Variants in BCAR3 observed in about 807,000 individuals in gnomAD.
BCAR3 encodes the protein breast cancer anti-estrogen resistance protein 3.
In BCAR3, 37 loss-of-function variants were observed where a neutral mutation model predicts 80.1. The ratio of observed to expected loss-of-function variants is 0.46; its 90% CI spans 0.36 to 0.61. BCAR3 has a LOEUF of 0.61. BCAR3 is among the 20% of genes least tolerant of loss of function. The pLI is 0.00. For missense variants in BCAR3, 978 were observed against 1,068.2 expected (o/e 0.92, Z 1.18); for synonymous variants, 389 against 418.9 (o/e 0.93, Z 0.87).
intron 2 of BCAR3, among the ~76,000 whole-genome samples, chr1:93,768,263 GTGTGTT>G (rs554031603): frequency 0.021 from 2,478 of 117,648 alleles, 48 homozygotes; most frequent in African/African-American, 0.089. Context: ...GTGAATGTGT[GTGTGTT>G]TGTGTGTGTG....
At chr1:93,625,595 C>A (rs1441009208) in intron 3 of BCAR3, among the ~76,000 whole-genome samples, 1 of 152,204 alleles carries the variant, frequency 6.6e-6, no homozygotes. Flanking sequence ...ATAGTAAGTT[C>A]TCATCCACAG....
At chr1:93,802,874 G>T (rs2143997) in intron 2 of BCAR3, among the ~76,000 whole-genome samples, 1 of 151,854 alleles carries the variant, frequency 6.6e-6, no homozygotes, top group Non-Finnish European at 1.5e-5. Flanking sequence ...TTTTTGAGCC[G>T]GCTCCTTCCA....
chr1:93,674,899 C>G lies in BCAR3; in HGVS notation c.32G>C (p.Arg11Thr). The part of the protein sequence containing the change: MAAGKFASLP[R>T]NMPVNHQFPL... ...GAACTGGTGATTCACCGGCATGTTT[C>G]TGGGAAGGCTTGCAAATTTTCCTGC... Residue 11 changes from arginine (R) to threonine (T), a missense_variant, in exon 2 of 12, where the codon AGA (arginine) becomes ACA (threonine). By Grantham distance (71) the Arg-to-Thr change is moderately conservative. Transcript: ENST00000260502. The G allele has an allele frequency of 6.4e-7, 1 of 1,563,180 alleles. No individual in the cohort carries two copies. The highest frequency in any genetic ancestry group is 1.2e-5 in the South Asian group (1 of 82,778).
rs113959537 is a variant in BCAR3, at chr1:93,674,472, A to G, written c.317+142T>C. On this transcript the variant is annotated intron_variant, in intron 2 of 11. Transcript: ENST00000260502. ...GGTTTCACCATGTTGGTCTGGTCTCAAACTCCTAACCTCATGATCCACCCA... is the reference window on the plus strand; with the variant it reads ...GGTTTCACCATGTTGGTCTGGTCTCGAACTCCTAACCTCATGATCCACCCA... The G allele has an allele frequency of 3.7e-3, 3,374 of 913,348 alleles. 85 individuals carry two copies. The African/African-American group carries it at 0.052, about 14-fold the overall frequency. 56.6% of individuals were successfully genotyped at this position (913,348 alleles called of 1,614,324 possible).
intron 2 of BCAR3, among the ~76,000 whole-genome samples, chr1:93,657,504 T>C (rs1481975365): frequency 1.3e-5 from 2 of 152,070 alleles, no homozygotes; most frequent in Non-Finnish European, 2.9e-5. Flanking sequence ...ATCACATGAG[T>C]AGGTATGAAC....
At chr1:93,842,024 C>T (rs1226630823) in intron 2 of BCAR3, among the ~76,000 whole-genome samples, 5 of 152,190 alleles carry the variant, frequency 3.3e-5, no homozygotes, top group Non-Finnish European at 5.9e-5. Flanking sequence ...TCAAATGCAG[C>T]CTCCCTGTGT....
intron 11 of BCAR3, 59 bp downstream of exon 11, chr1:93,567,220 T>C (rs192722120): frequency 6.3e-7 from 1 of 1,575,356 alleles, no homozygotes; most frequent in South Asian, 1.1e-5. Context: ...TGCTCTTCCA[T>C]TCCTTCATTT....
At chr1:93,722,766 T>C (rs1316732732) in intron 2 of BCAR3, among the ~76,000 whole-genome samples, 5 of 152,072 alleles carry the variant, frequency 3.3e-5, no homozygotes, top group Non-Finnish European at 7.4e-5. Flanking sequence ...TGTGCTTTGA[T>C]TGCTGACAAG....
chr1:93,761,063 T>C (rs1164325587), intron 2 of BCAR3, among the ~76,000 whole-genome samples: 1 of 152,138 alleles, frequency 6.6e-6, no homozygotes, highest in Admixed American at 6.5e-5. Flanking sequence ...GGTTTTATGC[T>C]GGGGCCATTA....
At chr1:93,780,104 T>C (rs1652716021) in intron 2 of BCAR3, among the ~76,000 whole-genome samples, 2 of 152,190 alleles carry the variant, frequency 1.3e-5, no homozygotes, top group African/African-American at 2.4e-5. Context: ...ACCTCAGCCT[T>C]TTCTTTTCTG....
intron 2 of BCAR3, among the ~76,000 whole-genome samples, chr1:93,737,175 G>A (rs760737113): frequency 6.6e-5 from 10 of 152,192 alleles, no homozygotes; most frequent in Admixed American, 1.3e-4. Flanking sequence ...AGAGGGGAAA[G>A]CCTCAAAGCA....
intron 3 of BCAR3, among the ~76,000 whole-genome samples, chr1:93,626,911 T>C (rs1433418060): frequency 1.3e-5 from 2 of 152,202 alleles, no homozygotes; most frequent in African/African-American, 4.8e-5. Context: ...CAATTTTTAC[T>C]TCAAAGAATG....
At chr1:93,632,631 C>T (rs1165557757) in intron 3 of BCAR3, among the ~76,000 whole-genome samples, 7 of 152,110 alleles carry the variant, frequency 4.6e-5, no homozygotes, top group South Asian at 2.1e-4. Context: ...CTCAATCCCA[C>T]CATTATAGGA....
intron 2 of BCAR3, among the ~76,000 whole-genome samples, chr1:93,755,259 A>AAAAATAAAGTTTT (rs1553169769): frequency 6.6e-6 from 1 of 152,232 alleles, no homozygotes; most frequent in Non-Finnish European, 1.5e-5. Context: ...TTGAAGAAAG[A>AAAAATAAAGTTTT]AAAATAAAGT....
chr1:93,651,087 G>A lies in BCAR3; in HGVS notation c.318-8744C>T, dbSNP rs560672760. ...CAGAAAACCAGCAACCAGGTAGAGAGAGAAGGTACTGAAGCCACATAACAT... is the reference window on the plus strand; with the variant it reads ...CAGAAAACCAGCAACCAGGTAGAGAAAGAAGGTACTGAAGCCACATAACAT... On this transcript the variant is annotated intron_variant, in intron 2 of 11. Transcript: ENST00000260502. 4.0e-4 allele frequency among the ~76,000 whole-genome samples: 61 copies of A among 152,346 alleles called. No individual in the cohort carries two copies. The South Asian group carries it at 0.01, about 25-fold the overall frequency.
rs116091231 is a variant in BCAR3, at chr1:93,752,759, T to G, written c.-62-46617A>C. 4.2e-3 allele frequency among the ~76,000 whole-genome samples: 635 copies of G among 152,352 alleles called. 2 individuals carry two copies. The highest frequency in any genetic ancestry group is 0.015 in the African/African-American group (611 of 41,590). On this transcript the variant is annotated intron_variant, in intron 2 of 13. Transcript: ENST00000370244. The stretch of plus-strand genomic sequence containing the variant: ...TGGCTTGATCCACACATGGCCACAC[T>G]CCATAGCTCTAACAAAGAGAGTGCC...
intron 2 of BCAR3, among the ~76,000 whole-genome samples, chr1:93,727,100 C>T (rs550273839): frequency 4.6e-5 from 7 of 152,232 alleles, no homozygotes; most frequent in East Asian, 1.9e-4. Context: ...TGTTTCCTTG[C>T]GCATTTTGCA....
intron 2 of BCAR3, among the ~76,000 whole-genome samples, chr1:93,828,908 T>C (rs1389100357): frequency 1.3e-5 from 2 of 152,158 alleles, no homozygotes; most frequent in African/African-American, 4.8e-5. Context: ...GCCAGGCTGG[T>C]CTTGAACTCC....
At chr1:93,565,663 C>G (rs1195214907) in intron 11 of BCAR3, among the ~76,000 whole-genome samples, 1 of 152,202 alleles carries the variant, frequency 6.6e-6, no homozygotes, top group African/African-American at 2.4e-5. Context: ...CACTCTGATA[C>G]TTGTTGACTT....
Sources: gnomAD v4.1 joint callset for allele counts (sites outside exome capture counted in the v4.1 genomes callset) on GRCh38, gnomAD v4.1.1 for gene constraint, MANE v1.5 for transcripts, NCBI Gene and HGNC (gene_info 2026-07-23, HGNC 2026-07-21) for gene names.